Variants in PDE11A observed in about 807,000 individuals in gnomAD.
PDE11A encodes the protein dual 3',5'-cyclic-AMP and -GMP phosphodiesterase 11A.
PDE11A carries 100 observed loss-of-function variants against 100.5 expected under a neutral mutation model. The observed-to-expected ratio is 1.00, with a 90% CI of 0.85 to 1.18. The LOEUF (loss-of-function observed/expected upper bound fraction) is 1.18, where lower values mean the gene tolerates loss of function less well. Among genes scored for constraint, PDE11A ranks in the 50% most tolerant of loss-of-function variants. The pLI, the probability that PDE11A is intolerant of heterozygous loss-of-function variation, is 0.00. For missense variants in PDE11A, 1,141 were observed against 1,152.6 expected (o/e 0.99, Z 0.15); for synonymous variants, 381 against 420.8 (o/e 0.91, Z 1.16).
At chr2:177,806,547 G>C (rs1340716802) in intron 9 of PDE11A, among the ~76,000 whole-genome samples, 1 of 152,044 alleles carries the variant, frequency 6.6e-6, no homozygotes, top group Admixed American at 6.6e-5. Flanking sequence ...ATTTTATTTA[G>C]TTCAAACAAA....
At chr2:177,982,353 G>T (rs915313933) in intron 2 of PDE11A, among the ~76,000 whole-genome samples, 3 of 150,536 alleles carry the variant, frequency 2.0e-5, no homozygotes, top group Admixed American at 6.6e-5. Context: ...TTTACAAAAT[G>T]ATATATATTT....
intron 19 of PDE11A, among the ~76,000 whole-genome samples, chr2:177,632,900 C>G (rs73977679): frequency 0.035 from 5,274 of 152,296 alleles, 298 homozygotes; most frequent in African/African-American, 0.12. Context: ...AGCCCTAGCT[C>G]ACTGCTTTTA....
chr2:178,074,108 G>C (rs897080342), upstream of PDE11A, among the ~76,000 whole-genome samples: 1 of 152,132 alleles, frequency 6.6e-6, no homozygotes, highest in African/African-American at 2.4e-5. Context: ...CATGCAAAAT[G>C]AAAGAAGCCA....
intron 19 of PDE11A, among the ~76,000 whole-genome samples, chr2:177,632,147 G>A (rs530446875): frequency 2.6e-5 from 4 of 152,294 alleles, no homozygotes; most frequent in East Asian, 1.9e-4. Context: ...TGCTGAGGAT[G>A]TAACATAAAA....
intron 6 of PDE11A, among the ~76,000 whole-genome samples, chr2:177,834,249 A>G (rs1393526482): frequency 6.6e-6 from 1 of 152,192 alleles, no homozygotes; most frequent in African/African-American, 2.4e-5. Flanking sequence ...GACTTGTCAG[A>G]AGGGTGAGTA....
intron 9 of PDE11A, among the ~76,000 whole-genome samples, chr2:177,790,122 T>C (rs1213539050): frequency 4.0e-5 from 6 of 151,412 alleles, no homozygotes; most frequent in Admixed American, 6.6e-5. Context: ...GGCATCACAC[T>C]ACCTGACTTC....
At chr2:177,942,290 G>A (rs1429659120) in intron 2 of PDE11A, among the ~76,000 whole-genome samples, 1 of 152,178 alleles carries the variant, frequency 6.6e-6, no homozygotes. Context: ...TTGTGAAAAT[G>A]AAATGAGATT....
At chr2:177,856,040 G>C (rs1294548904) in intron 5 of PDE11A, among the ~76,000 whole-genome samples, 2 of 151,756 alleles carry the variant, frequency 1.3e-5, no homozygotes, top group East Asian at 3.9e-4. Flanking sequence ...TGAAACCTAA[G>C]TAAAATCCCT....
chr2:177,965,348 T>G (rs543294296), intron 2 of PDE11A, among the ~76,000 whole-genome samples: 2 of 152,350 alleles, frequency 1.3e-5, no homozygotes, highest in East Asian at 3.9e-4. Flanking sequence ...TAGTTTCTTT[T>G]GCTGTGGAGA....
chr2:177,754,724 C>T (rs770123994), intron 10 of PDE11A, among the ~76,000 whole-genome samples: 1 of 152,228 alleles, frequency 6.6e-6, no homozygotes, highest in Non-Finnish European at 1.5e-5. Context: ...AAGCACAGTC[C>T]TGTCTAAACA....
chr2:177,643,075 A>G (rs1469283174), intron 19 of PDE11A, among the ~76,000 whole-genome samples: 1 of 152,194 alleles, frequency 6.6e-6, no homozygotes, highest in African/African-American at 2.4e-5. Flanking sequence ...TAAATCACCC[A>G]GTCTTGGGTA....
chr2:178,101,752 A>ATTC (rs1295411602), intron 2 of PDE11A, among the ~76,000 whole-genome samples: 1 of 152,162 alleles, frequency 6.6e-6, no homozygotes, highest in Non-Finnish European at 1.5e-5. Flanking sequence ...GTTCCTTGCC[A>ATTC]GGAACCCAGG....
intron 2 of PDE11A, among the ~76,000 whole-genome samples, chr2:177,916,927 A>ATTT (rs1183483256): frequency 0.13 from 13,432 of 104,758 alleles, 1,130 homozygotes; most frequent in African/African-American, 0.2. Context: ...CGCCCGGCTA[A>ATTT]TTTTTTTTTT....
At chr2:177,633,533 A>G (rs550696478) in intron 19 of PDE11A, among the ~76,000 whole-genome samples, 1 of 152,372 alleles carries the variant, frequency 6.6e-6, no homozygotes, top group South Asian at 2.1e-4. Flanking sequence ...TAACAGTGAT[A>G]TTTATCACAC....
In PDE11A at chr2:177,991,437, C is replaced by T. The variant is rs558085164; in HGVS notation, c.1071+22865G>A. Among the ~76,000 whole-genome samples the T allele has an allele frequency of 6.7e-4, 100 of 150,326 alleles. 1 individual carries two copies. Among genetic ancestry groups the T allele is most frequent in the South Asian group, 2.4e-3 (11 of 4,666 alleles). On this transcript the variant is annotated intron_variant, in intron 2 of 19. Transcript: ENST00000286063. The stretch of plus-strand genomic sequence containing the variant: ...GATCATGAGGTCAGGAGTTTGAGAC[C>T]AGCCTGGCCAACATGGTGAAACCCC...
chr2:177,962,438 T>A (rs1378666108), intron 2 of PDE11A, among the ~76,000 whole-genome samples: 1 of 152,114 alleles, frequency 6.6e-6, no homozygotes, highest in Non-Finnish European at 1.5e-5. Context: ...TGAATTTATA[T>A]AGTATACTAT....
Position 177,875,879 on chromosome 2 carries a change from G to A in PDE11A, c.1347C>T (p.Cys449=). Residue 449 remains cysteine, a synonymous_variant, in exon 5 of 20, where the codon TGC becomes TGT. Coordinates refer to ENST00000286063, the MANE Select transcript of PDE11A (RefSeq NM_016953.4). ...TKSFELMSPK[C]SADAENSFKE... ...CCTACCTGTTCTCAGCATCAGCACTGCACTTTGGGGACATCAATTCAAAGG... is the reference window on the plus strand; with the variant it reads ...CCTACCTGTTCTCAGCATCAGCACTACACTTTGGGGACATCAATTCAAAGG... The A allele has an allele frequency of 6.2e-7, 1 of 1,611,552 alleles. No individual in the cohort carries two copies. Among genetic ancestry groups the A allele is most frequent in the Non-Finnish European group, 8.5e-7 (1 of 1,177,718 alleles).
chr2:178,077,741 G>T (rs1248106616), upstream of PDE11A, among the ~76,000 whole-genome samples: 1 of 152,068 alleles, frequency 6.6e-6, no homozygotes, highest in African/African-American at 2.4e-5. Context: ...TTTAGGGTGG[G>T]TTCTAAATCA....
intron 1 of PDE11A, among the ~76,000 whole-genome samples, chr2:178,043,752 A>C (rs537722980): frequency 2.6e-5 from 4 of 152,292 alleles, no homozygotes; most frequent in Non-Finnish European, 5.9e-5. Context: ...ACAACCATGC[A>C]AAGTGGATAC....
Sources: allele counts gnomAD v4.1 joint callset (sites outside exome capture counted in the v4.1 genomes callset), GRCh38; gene constraint gnomAD v4.1.1; transcripts MANE v1.5; gene names NCBI Gene and HGNC (gene_info 2026-07-23, HGNC 2026-07-21).